The following PDE11A variants were observed in gnomAD, a reference collection of about 807,000 sequenced individuals.
The protein encoded by PDE11A is dual 3',5'-cyclic-AMP and -GMP phosphodiesterase 11A.
In PDE11A, 100 loss-of-function variants were observed where a neutral mutation model predicts 100.5. The ratio of observed to expected loss-of-function variants is 1.00; its 90% confidence interval spans 0.85 to 1.18. The LOEUF (loss-of-function observed/expected upper bound fraction) is 1.18, where lower values mean the gene tolerates loss of function less well. PDE11A is among the 50% of genes most tolerant of loss of function. The probability of loss-of-function intolerance (pLI) is 0.00; values close to 1 mark genes in which losing one functional copy is unlikely to be tolerated. For synonymous variants in PDE11A, 381 were observed against 420.8 expected, an observed-to-expected ratio of 0.91 and a Z score of 1.16; for missense variants, 1,141 against 1,152.6, an observed-to-expected ratio of 0.99 and a Z score of 0.15.
intron 1 of PDE11A, among the ~76,000 whole-genome samples, chr2:178,065,438 G>A (rs183563839): frequency 2.8e-4 from 43 of 152,272 alleles, no homozygotes; most frequent in African/African-American, 1.0e-3. Flanking sequence ...AAAAAATTTA[G>A]TTAACCTTAA....
chr2:177,712,338 C>T (rs1046910526), intron 12 of PDE11A, among the ~76,000 whole-genome samples: 9 of 117,328 alleles, frequency 7.7e-5, no homozygotes, highest in Non-Finnish European at 1.8e-5. Flanking sequence ...AGAACACAAC[C>T]CTTCTTTTTT....
chr2:177,707,762 G>A (rs1460976250), intron 13 of PDE11A, among the ~76,000 whole-genome samples: 1 of 152,114 alleles, frequency 6.6e-6, no homozygotes, highest in Non-Finnish European at 1.5e-5. Flanking sequence ...GTGCACTGTT[G>A]GTCCCAACAG....
intron 5 of PDE11A, among the ~76,000 whole-genome samples, chr2:177,842,461 G>A (rs1164977645): frequency 6.6e-6 from 1 of 152,176 alleles, no homozygotes; most frequent in Non-Finnish European, 1.5e-5. Context: ...TTGTATGGTG[G>A]GAATAAAACT....
intron 13 of PDE11A, among the ~76,000 whole-genome samples, chr2:177,706,900 T>TG (rs1205525786): frequency 6.6e-6 from 1 of 151,906 alleles, no homozygotes; most frequent in African/African-American, 2.4e-5. Context: ...TTTTTGTTTT[T>TG]TTTTGTAAAA....
intron 2 of PDE11A, among the ~76,000 whole-genome samples, chr2:177,969,090 A>G (rs2085735738): frequency 6.6e-6 from 1 of 152,238 alleles, no homozygotes; most frequent in Non-Finnish European, 1.5e-5. Context: ...ATGCAGCTAT[A>G]AAAAAGAATG....
intron 10 of PDE11A, among the ~76,000 whole-genome samples, chr2:177,747,019 G>A (rs2081957887): frequency 6.6e-6 from 1 of 152,166 alleles, no homozygotes; most frequent in Non-Finnish European, 1.5e-5. Context: ...AAGTGGGCAG[G>A]CACAGGAGAG....
At chr2:177,724,210 A>T (rs1017196470) in intron 12 of PDE11A, among the ~76,000 whole-genome samples, 1 of 152,138 alleles carries the variant, frequency 6.6e-6, no homozygotes, top group Non-Finnish European at 1.5e-5. Context: ...AAATTTATAA[A>T]TGTGAAATTT....
At chr2:177,906,512 A>G (rs138626672) in intron 2 of PDE11A, among the ~76,000 whole-genome samples, 128 of 152,308 alleles carry the variant, frequency 8.4e-4, no homozygotes, top group African/African-American at 2.8e-3. Context: ...TCCTGGAAAG[A>G]ATTTCAGAGC....
intron 2 of PDE11A, chr2:177,997,251 AC>A (rs1303662274): frequency 8.0e-7 from 1 of 1,249,082 alleles, no homozygotes; most frequent in African/African-American, 1.5e-5. Context: ...GGCCCCCTCT[AC>A]TTTCCCTGAA....
At chr2:177,767,357 A>AT (rs1478852230) in intron 10 of PDE11A, among the ~76,000 whole-genome samples, 1 of 151,750 alleles carries the variant, frequency 6.6e-6, no homozygotes, top group Non-Finnish European at 1.5e-5. Flanking sequence ...ACAACTATGG[A>AT]TTTTGGCCTG....
At chr2:177,650,287 T>C (rs1178589364) in intron 19 of PDE11A, among the ~76,000 whole-genome samples, 2 of 152,238 alleles carry the variant, frequency 1.3e-5, no homozygotes, top group African/African-American at 2.4e-5. Context: ...CTGGGAATTC[T>C]GCAGGCAACT....
intron 6 of PDE11A, among the ~76,000 whole-genome samples, chr2:177,826,135 T>C (rs2083222841): frequency 6.6e-6 from 1 of 152,136 alleles, no homozygotes; most frequent in Non-Finnish European, 1.5e-5. Context: ...AAACTAAATA[T>C]ATTTCTGCGA....
chr2:177,700,152 T>G (rs1193742572), intron 14 of PDE11A, among the ~76,000 whole-genome samples: 1 of 152,118 alleles, frequency 6.6e-6, no homozygotes, highest in African/African-American at 2.4e-5. Flanking sequence ...AATACATCAT[T>G]CCCAGCAGGT....
intron 16 of PDE11A, 63 bp from the exon 17 acceptor site, chr2:177,675,581 G>C: frequency 8.6e-7 from 1 of 1,160,154 alleles, no homozygotes; most frequent in Non-Finnish European, 1.3e-6. Flanking sequence ...AAACAAACCC[G>C]TCCTAGATAC....
At chr2:177,940,770 A>C (rs1381713157) in intron 2 of PDE11A, among the ~76,000 whole-genome samples, 1 of 152,244 alleles carries the variant, frequency 6.6e-6, no homozygotes, top group African/African-American at 2.4e-5. Flanking sequence ...AATACTTTTC[A>C]TTCCCTGCAC....
chr2:178,105,672 T>G (rs2087609501), intron 1 of PDE11A: 1 of 765,398 alleles, frequency 1.3e-6, no homozygotes, highest in South Asian at 2.7e-5. Flanking sequence ...TGGTACAGGA[T>G]GGCATAATGA....
chr2:177,955,682 A>G (rs1006975220), intron 2 of PDE11A, among the ~76,000 whole-genome samples: 2 of 152,208 alleles, frequency 1.3e-5, no homozygotes, highest in Non-Finnish European at 2.9e-5. Context: ...ACAGTAACCA[A>G]AACAGCATGG....
intron 3 of PDE11A, among the ~76,000 whole-genome samples, chr2:177,900,252 A>G (rs550399570): frequency 1.3e-5 from 2 of 152,350 alleles, no homozygotes; most frequent in South Asian, 4.1e-4. Context: ...CCCAGAGGGC[A>G]CTTGATTCAA....
At chr2:178,050,295 G>A (rs1375148121) in intron 1 of PDE11A, among the ~76,000 whole-genome samples, 1 of 152,288 alleles carries the variant, frequency 6.6e-6, no homozygotes, top group African/African-American at 2.4e-5. Flanking sequence ...GGTCCTGACT[G>A]TTAGAAGGAA....
Sources: allele counts gnomAD v4.1 joint callset (sites outside exome capture counted in the v4.1 genomes callset), GRCh38; gene constraint gnomAD v4.1.1; transcripts MANE v1.5; gene names NCBI Gene and HGNC (gene_info 2026-07-23, HGNC 2026-07-21).